Variants in EFCAB3 observed in about 807,000 individuals in gnomAD.
EFCAB3 encodes EF-hand calcium-binding domain-containing protein 3.
In EFCAB3, 36 loss-of-function variants were observed where a neutral mutation model predicts 42.2. The observed-to-expected ratio is 0.85, with a 90% CI of 0.65 to 1.13. EFCAB3 has a LOEUF of 1.13. Ranked by LOEUF, EFCAB3 falls within the 50% of genes most tolerant of loss-of-function variation. EFCAB3 has a pLI of 0.00. For synonymous variants in EFCAB3, 170 were observed against 172.8 expected, an observed-to-expected ratio of 0.98 and a Z score of 0.13; for missense variants, 418 against 505.1, an observed-to-expected ratio of 0.83 and a Z score of 1.65.
chr17:62,411,092 C>T (rs1327407915), intron 8 of EFCAB3, among the ~76,000 whole-genome samples: 3 of 152,070 alleles, frequency 2.0e-5, no homozygotes, highest in African/African-American at 7.2e-5. Context: ...GGGAGGTCTG[C>T]CAGACACAAA....
At chr17:62,399,528 T>A (rs996636429) in intron 6 of EFCAB3, among the ~76,000 whole-genome samples, 1 of 152,174 alleles carries the variant, frequency 6.6e-6, no homozygotes, top group Non-Finnish European at 1.5e-5. Context: ...CCCTTTGACC[T>A]CTTTGACTTT....
At chr17:62,406,333 G>A (rs2070447096) in intron 6 of EFCAB3, 147 bp from the exon 7 acceptor site, 2 of 617,446 alleles carry the variant, frequency 3.2e-6, no homozygotes, top group South Asian at 4.8e-5. Flanking sequence ...AAATATCACA[G>A]AAATGGGCAC....
intron 5 of EFCAB3, 25 bp from the exon 6 acceptor site, chr17:62,395,043 T>C (rs2070336838): frequency 6.2e-7 from 1 of 1,609,224 alleles, no homozygotes; most frequent in African/African-American, 1.3e-5. Flanking sequence ...TATTTAAAAA[T>C]CTATCTTTTG....
intron 1 of EFCAB3, chr17:62,381,925 C>A: frequency 3.0e-6 from 1 of 330,704 alleles, no homozygotes; most frequent in South Asian, 2.7e-5. Context: ...GCTGCTGGTT[C>A]CACCCCCGCT....
Position 62,416,106 on chromosome 17 carries a change from A to G in EFCAB3, c.1094A>G (p.Asp365Gly), listed in dbSNP as rs1359352530. The change falls in exon 10 of 10, where the codon GAC (aspartate) becomes GGC (glycine). Residue 365 changes from aspartate (D) to glycine (G), a missense_variant. Physicochemically the swap from Asp to Gly is moderately conservative, Grantham distance 94. Transcript: ENST00000305286. ...ATCCGAGGGGATTTGATTGGGATGG[A>G]CTCTAGAAATGAGTCCTTTTATGAC... ...QKIRGDLIGM[D>G]SRNESFYDTF... 1.9e-6 allele frequency: 3 copies of G among 1,613,900 alleles called. No homozygotes were observed. Among genetic ancestry groups the G allele is most frequent in the East Asian group, 4.5e-5 (2 of 44,878 alleles).
chr17:62,370,296 A>C (rs748798309), exon 1 of EFCAB3: 9 of 1,551,690 alleles, frequency 5.8e-6, no homozygotes, highest in Non-Finnish European at 7.8e-6. Flanking sequence ...GAAATGAAGG[A>C]GTTGATGCCT....
At chr17:62,404,375 G>C (rs2070430777) in intron 6 of EFCAB3, among the ~76,000 whole-genome samples, 2 of 151,810 alleles carry the variant, frequency 1.3e-5, no homozygotes, top group African/African-American at 4.8e-5. Context: ...GCTTGCACCT[G>C]TGGTCCCAGC....
chr17:62,411,882 A>T (rs1318839864), intron 8 of EFCAB3, among the ~76,000 whole-genome samples: 6 of 84,006 alleles, frequency 7.1e-5, no homozygotes, highest in African/African-American at 2.1e-4. Context: ...GGAAGGAAGG[A>T]AGGAAGGAAG....
chr17:62,406,546 T>C lies in EFCAB3; in HGVS notation c.555T>C (p.Tyr185=). The C allele has an allele frequency of 6.2e-7, 1 of 1,614,004 alleles. No individual in the cohort carries two copies. The highest frequency in any genetic ancestry group is 1.6e-4 in the Middle Eastern group (1 of 6,062). Reference sequence around the variant, plus strand: ...TGTGGAGTCCCTACACTATGGGCTATGGAAAAAGGACACTTAAGCCAGACA... The same window carrying C: ...TGTGGAGTCCCTACACTATGGGCTACGGAAAAAGGACACTTAAGCCAGACA... The part of the protein sequence containing the change: ...GMLWSPYTMG[Y]GKRTLKPDIC... Residue 185 remains tyrosine (Y), a synonymous_variant, in exon 7 of 10, where the codon TAT becomes TAC. Transcript: ENST00000305286.
intron 8 of EFCAB3, among the ~76,000 whole-genome samples, chr17:62,409,838 CTA>C (rs1348793667): frequency 6.6e-6 from 1 of 151,892 alleles, no homozygotes; most frequent in Non-Finnish European, 1.5e-5. Context: ...TTCTATTAAA[CTA>C]TATGTTTATA....
intron 8 of EFCAB3, among the ~76,000 whole-genome samples, chr17:62,410,301 C>T (rs757134080): frequency 2.0e-5 from 3 of 152,162 alleles, no homozygotes; most frequent in Non-Finnish European, 4.4e-5. Context: ...GTGGCTGGAT[C>T]ACTTGAGCTC....
intron 6 of EFCAB3, among the ~76,000 whole-genome samples, chr17:62,400,363 T>C (rs1021264058): frequency 6.6e-6 from 1 of 152,200 alleles, no homozygotes; most frequent in South Asian, 2.1e-4. Flanking sequence ...TATCTCCTAA[T>C]GTTATCCCTC....
intron 1 of EFCAB3, chr17:62,381,666 C>G (rs1300781587): frequency 4.9e-6 from 1 of 203,624 alleles, no homozygotes; most frequent in Non-Finnish European, 1.0e-5. Context: ...ACGCCCGCCC[C>G]CAGTGCGCTC....
At chr17:62,378,724 C>T (rs1166125202), upstream of EFCAB3, among the ~76,000 whole-genome samples, 1 of 124,086 alleles carries the variant, frequency 8.1e-6, no homozygotes, top group African/African-American at 3.2e-5. Context: ...ATGAAATGGG[C>T]ATGGACACAG....
intron 1 of EFCAB3, among the ~76,000 whole-genome samples, chr17:62,381,309 G>T (rs938316523): frequency 6.6e-6 from 1 of 151,874 alleles, no homozygotes; most frequent in African/African-American, 2.4e-5. Flanking sequence ...TCATCCATGT[G>T]CCTACAAAGG....
At chr17:62,390,496 T>C (rs1274708013) in intron 3 of EFCAB3, among the ~76,000 whole-genome samples, 1 of 152,234 alleles carries the variant, frequency 6.6e-6, no homozygotes, top group African/African-American at 2.4e-5. Flanking sequence ...CCATGGTACA[T>C]ACCACCTTCT....
In EFCAB3 at chr17:62,413,854, T is replaced by C. The variant is rs767839329; in HGVS notation, c.990T>C (p.His330=). Residue 330 remains histidine, a splice_region_variant and synonymous_variant, in exon 9 of 10, where the codon CAT becomes CAC. Coordinates refer to ENST00000305286, the MANE Select transcript of EFCAB3 (RefSeq NM_173503.4). Reference sequence around the variant, plus strand: ...CCGATGCAACTGCTATTAAACAACATGTGAGTATTCCTTGTTGAGTTCCTT... The same window carrying C: ...CCGATGCAACTGCTATTAAACAACACGTGAGTATTCCTTGTTGAGTTCCTT... ...TVADATAIKQ[H]VKRATDTYNL... is the part of the protein sequence containing the mutation. 1.2e-6 allele frequency: 2 copies of C among 1,609,842 alleles called. No individual in the cohort carries two copies. The highest frequency in any genetic ancestry group is 2.7e-5 in the African/African-American group (2 of 74,748).
chr17:62,389,980 G>T (rs1028407095), intron 3 of EFCAB3, among the ~76,000 whole-genome samples: 5 of 151,996 alleles, frequency 3.3e-5, no homozygotes, highest in African/African-American at 1.2e-4. Flanking sequence ...TAGAGACAGG[G>T]TTTCACCATG....
rs149700290 is a variant in EFCAB3, at chr17:62,415,893, G to A, written c.991-110G>A. ...AGGCACCACCTAATGTATAGATTCA[G>A]TGACTTTCGAGTAGCCCAGGGACAT... On this transcript the variant is annotated intron_variant, in intron 9 of 9. Transcript: ENST00000305286. The A allele has an allele frequency of 1.8e-3, 1,648 of 922,846 alleles. 13 individuals carry two copies. Among genetic ancestry groups the A allele is most frequent in the African/African-American group, 0.017 (1,042 of 60,114 alleles). The allele number at this position is 922,846 out of a possible 1,614,324, so 57.2% of individuals were successfully genotyped here. A position where few individuals can be genotyped will look rare whatever the true frequency, so the allele number is the denominator to read the frequency against.
Sources: allele counts gnomAD v4.1 joint callset (sites outside exome capture counted in the v4.1 genomes callset), GRCh38; gene constraint gnomAD v4.1.1; transcripts MANE v1.5; gene names NCBI Gene and HGNC (gene_info 2026-07-23, HGNC 2026-07-21).